The following PLA2G6 variants were observed in gnomAD, a reference collection of about 807,000 sequenced individuals.
PLA2G6 encodes the protein phospholipase A2 group VI.
PLA2G6 carries 62 observed loss-of-function variants against 83.8 expected under a neutral mutation model. The ratio of observed to expected loss-of-function variants is 0.74; its 90% CI spans 0.60 to 0.91. The LOEUF is 0.91. Ranked by LOEUF, PLA2G6 falls within the 40% of genes least tolerant of loss-of-function variation. The probability of loss-of-function intolerance (pLI) is 0.00; values close to 1 mark genes in which losing one functional copy is unlikely to be tolerated. For synonymous variants in PLA2G6, 417 were observed against 449.8 expected, an observed-to-expected ratio of 0.93 and a Z score of 0.92; for missense variants, 944 against 1,102.0, an observed-to-expected ratio of 0.86 and a Z score of 2.03.
chr22:38,121,268 C>T (rs375518189), intron 11 of PLA2G6, among the ~76,000 whole-genome samples: 31 of 151,978 alleles, frequency 2.0e-4, no homozygotes, highest in African/African-American at 3.4e-4. Flanking sequence ...CCCAGCTACT[C>T]GGGAGGCTGA....
intron 2 of PLA2G6, among the ~76,000 whole-genome samples, chr22:38,151,571 G>C (rs1014804717): frequency 6.6e-6 from 1 of 152,116 alleles, no homozygotes; most frequent in Non-Finnish European, 1.5e-5. Flanking sequence ...GAATGAACAC[G>C]ATCCTAGATG....
rs2088041135 is a variant in PLA2G6, at chr22:38,128,968, G to A, written c.1186+486C>T. ...TGAAACCCTCCAGAGCGGGCTCCAGGCCTCTGGTGAGGAGGATCTGCTCTG... is the reference window on the plus strand; with the variant it reads ...TGAAACCCTCCAGAGCGGGCTCCAGACCTCTGGTGAGGAGGATCTGCTCTG... On this transcript the variant is annotated intron_variant, in intron 8 of 16. Transcript: ENST00000332509. The surrounding 1 kb of genome is among the most constrained non-coding windows in gnomAD (Gnocchi z 4.4). Among the ~76,000 whole-genome samples, 1 of 152,260 alleles carries A rather than the reference G, an allele frequency of 6.6e-6. No homozygotes were observed. The highest frequency in any genetic ancestry group is 2.4e-5 in the African/African-American group (1 of 41,468).
At chr22:38,143,501 TC>T in intron 3 of PLA2G6, 1 of 644,444 alleles carries the variant, frequency 1.6e-6, no homozygotes, top group Non-Finnish European at 2.8e-6. Context: ...GTTTGCTCAC[TC>T]GTACAAGAGA....
Position 38,121,780 on chromosome 22 carries a change from A to G in PLA2G6, c.1592-871T>C, listed in dbSNP as rs1467744342. Reference sequence around the variant, plus strand: ...ACGTGGCCCTTTTGGAGAAGAAGCTAGGACTCTGCCCAGTCTGCCTGCTCA... The same window carrying G: ...ACGTGGCCCTTTTGGAGAAGAAGCTGGGACTCTGCCCAGTCTGCCTGCTCA... On this transcript the variant is annotated intron_variant, in intron 11 of 16. Coordinates refer to ENST00000332509, the MANE Select transcript of PLA2G6 (RefSeq NM_003560.4). Among the ~76,000 whole-genome samples the G allele has an allele frequency of 6.6e-5, 10 of 152,302 alleles. No individual in the cohort carries two copies. The East Asian group carries it at 1.9e-3, about 29-fold the overall frequency.
At chr22:38,177,180 C>A (rs1835407773) in intron 1 of PLA2G6, among the ~76,000 whole-genome samples, 1 of 152,108 alleles carries the variant, frequency 6.6e-6, no homozygotes, top group Non-Finnish European at 1.5e-5. Context: ...GACTCTTGAA[C>A]AGCACTAGGC....
intron 2 of PLA2G6, chr22:38,149,615 T>C (rs2145849309): frequency 6.6e-6 from 1 of 152,106 alleles, no homozygotes; most frequent in South Asian, 2.1e-4. Context: ...ATTTGAAAAG[T>C]TAATGTCTGC....
At chr22:38,164,486 G>A (rs1340195184) in intron 2 of PLA2G6, among the ~76,000 whole-genome samples, 1 of 152,204 alleles carries the variant, frequency 6.6e-6, no homozygotes, top group African/African-American at 2.4e-5. Context: ...CCAAGCCCAG[G>A]CATGCAGGAC....
In PLA2G6 at chr22:38,145,587, T is replaced by A; in HGVS notation, c.276A>T (p.Leu92=). 6.2e-7 allele frequency: 1 copy of A among 1,613,672 alleles called. No individual in the cohort carries two copies. Among genetic ancestry groups the A allele is most frequent in the South Asian group, 1.1e-5 (1 of 91,016 alleles). Residue 92 remains leucine, a synonymous_variant, in exon 3 of 17, where the codon CTA becomes CTT. Transcript: ENST00000332509. The part of the protein sequence containing the change: ...VNFHQYSSQL[L]PFYESSPQVL... Reference sequence around the variant, plus strand: ...CCTGAGGGGAGCTCTCATAGAAGGGTAGCAGCTGGGAAGAATACTGATGGA... The same window carrying A: ...CCTGAGGGGAGCTCTCATAGAAGGGAAGCAGCTGGGAAGAATACTGATGGA...
At chr22:38,172,731 G>C (rs2090483352) in intron 1 of PLA2G6, among the ~76,000 whole-genome samples, 2 of 152,354 alleles carry the variant, frequency 1.3e-5, no homozygotes, top group Middle Eastern at 3.4e-3. Context: ...AGAGAGTCAA[G>C]AGCATCCAGC....
At chr22:38,115,788 G>A (rs2087154380) in intron 13 of PLA2G6, 107 bp from the exon 14 acceptor site, 4 of 1,491,616 alleles carry the variant, frequency 2.7e-6, no homozygotes, top group Admixed American at 2.1e-5. Context: ...TGCGGGAAGA[G>A]GGGAGGCTGG....
At chr22:38,150,333 C>T (rs548594944) in intron 2 of PLA2G6, 1 of 152,198 alleles carries the variant, frequency 6.6e-6, no homozygotes, top group African/African-American at 2.4e-5. Flanking sequence ...CATCATGCCT[C>T]AAGGAGGCTG....
Position 38,116,395 on chromosome 22 carries a change from G to A in PLA2G6, c.1743-184C>T, listed in dbSNP as rs11089863. ...CTCTCTCCGGCAGTGCTGGAGGAGT[G>A]TCAGATTGGTCCAACCTTGGGGGCA... On this transcript the variant is annotated intron_variant, in intron 12 of 16. Transcript: ENST00000332509. The A allele has an allele frequency of 0.36, 267,415 of 752,850 alleles. 49,369 individuals are homozygous for A. The highest frequency in any genetic ancestry group is 0.42 in the South Asian group (28,445 of 67,522). 46.6% of individuals were successfully genotyped at this position (752,850 alleles called of 1,614,324 possible). A position where few individuals can be genotyped will look rare whatever the true frequency, so the allele number is the denominator to read the frequency against.
chr22:38,133,148 C>A, intron 6 of PLA2G6, 135 bp from the exon 7 acceptor site: 1 of 832,616 alleles, frequency 1.2e-6, no homozygotes, highest in Non-Finnish European at 1.9e-6. Context: ...CAAGAGGATT[C>A]CAGGGGCAGG....
intron 2 of PLA2G6, among the ~76,000 whole-genome samples, chr22:38,151,384 C>T (rs768697992): frequency 2.6e-5 from 4 of 151,882 alleles, no homozygotes; most frequent in Non-Finnish European, 4.4e-5. Flanking sequence ...GTAGCAGGGA[C>T]GTGAACCACC....
intron 4 of PLA2G6, chr22:38,141,216 T>C (rs1398188098): frequency 2.0e-5 from 3 of 148,214 alleles, no homozygotes; most frequent in East Asian, 3.9e-4. Flanking sequence ...AATTAGCCCA[T>C]GTGGTGGCAC....
chr22:38,160,673 C>A (rs890903594), intron 2 of PLA2G6, among the ~76,000 whole-genome samples: 1 of 152,080 alleles, frequency 6.6e-6, no homozygotes, highest in East Asian at 1.9e-4. Flanking sequence ...GGTGAAACCT[C>A]GTCTCTACTA....
chr22:38,126,923 G>A lies in PLA2G6; in HGVS notation c.1349-474C>T, dbSNP rs531115849. The A allele has an allele frequency of 7.9e-5, 67 of 846,170 alleles. 1 individual carries two copies. In the South Asian group the frequency reaches 1.3e-3, roughly 16 times the overall value. The allele number at this position is 846,170 out of a possible 1,614,324, so 52.4% of individuals were successfully genotyped here. ...TTTAGTCAAAAGGCTGAGTCAGGAC[G>A]TTCCTCGGGGTTTAAGTCCATGGAT... On this transcript the variant is annotated intron_variant, in intron 9 of 16. Transcript: ENST00000332509.
At chr22:38,114,088 G>C (rs2087041006) in intron 14 of PLA2G6, among the ~76,000 whole-genome samples, 1 of 152,208 alleles carries the variant, frequency 6.6e-6, no homozygotes, top group Non-Finnish European at 1.5e-5. Context: ...TGCAAATGAG[G>C]GCTCTCAGCG....
chr22:38,125,069 C>G (rs540377707), intron 10 of PLA2G6, among the ~76,000 whole-genome samples: 1 of 152,176 alleles, frequency 6.6e-6, no homozygotes, highest in Non-Finnish European at 1.5e-5. Flanking sequence ...TGGGTCCCCC[C>G]TTCAGGTGCA....
Sources: allele counts gnomAD v4.1 joint callset (sites outside exome capture counted in the v4.1 genomes callset), GRCh38; gene constraint gnomAD v4.1.1; non-coding constraint Gnocchi (gnomAD v3.1); transcripts MANE v1.5; gene names NCBI Gene and HGNC (gene_info 2026-07-23, HGNC 2026-07-21).